ANKFN1: variants seen among roughly 807,000 people sequenced by gnomAD.
ANKFN1 encodes the protein ankyrin repeat and fibronectin type-III domain-containing protein 1.
Under a neutral mutation model 108.7 loss-of-function variants are expected in ANKFN1, and 74 were observed. That is an observed-to-expected ratio of 0.68 (90% CI 0.56 to 0.83). The LOEUF is 0.83. Ranked by LOEUF, ANKFN1 falls within the 40% of genes least tolerant of loss-of-function variation. ANKFN1 has a pLI of 0.00. For synonymous variants in ANKFN1, 547 were observed against 516.2 expected (o/e 1.06, Z -0.81); for missense variants, 1,505 against 1,382.3 (o/e 1.09, Z -1.41).
intron 8 of ANKFN1, among the ~76,000 whole-genome samples, chr17:56,405,386 C>T (rs895695524): frequency 1.3e-5 from 2 of 152,118 alleles, no homozygotes; most frequent in East Asian, 1.9e-4. Context: ...GTTTAATATA[C>T]GCTCTATAGA....
intron 4 of ANKFN1, among the ~76,000 whole-genome samples, chr17:56,348,761 G>C (rs1265483442): frequency 6.6e-6 from 1 of 152,124 alleles, no homozygotes; most frequent in Non-Finnish European, 1.5e-5. Context: ...CCAGATTGTG[G>C]AGAAAACAAA....
At chr17:56,403,720 G>A (rs2047833577) in intron 8 of ANKFN1, among the ~76,000 whole-genome samples, 1 of 151,864 alleles carries the variant, frequency 6.6e-6, no homozygotes, top group South Asian at 2.1e-4. Context: ...TTGATTTTTT[G>A]TTTTTTTCTT....
chr17:56,469,630 T>G (rs891609119), intron 15 of ANKFN1, among the ~76,000 whole-genome samples: 5 of 152,106 alleles, frequency 3.3e-5, no homozygotes, highest in African/African-American at 1.2e-4. Context: ...TTATTTAACT[T>G]CTCATCCCTC....
chr17:56,220,219 G>A (rs1915736440), intron 2 of ANKFN1, among the ~76,000 whole-genome samples: 2 of 152,192 alleles, frequency 1.3e-5, no homozygotes, highest in Non-Finnish European at 2.9e-5. Flanking sequence ...ACAATACCTG[G>A]AAAAAGAGAT....
chr17:56,320,648 G>C (rs1318954028), intron 3 of ANKFN1, among the ~76,000 whole-genome samples: 1 of 152,130 alleles, frequency 6.6e-6, no homozygotes, highest in Non-Finnish European at 1.5e-5. Context: ...GTGGCAGCCA[G>C]GACAAGAAGG....
chr17:56,413,298 G>T (rs547722605), intron 8 of ANKFN1, among the ~76,000 whole-genome samples: 2 of 152,170 alleles, frequency 1.3e-5, no homozygotes, highest in African/African-American at 4.8e-5. Flanking sequence ...TGCTGAAGTC[G>T]TTTATCAGCT....
intron 4 of ANKFN1, among the ~76,000 whole-genome samples, chr17:56,134,707 A>G (rs1907493539): frequency 6.6e-6 from 1 of 152,222 alleles, no homozygotes; most frequent in Admixed American, 6.5e-5. Flanking sequence ...TTGTAGACAG[A>G]AAATCAACTA....
intron 3 of ANKFN1, among the ~76,000 whole-genome samples, chr17:56,279,801 T>A (rs2044024500): frequency 6.6e-6 from 1 of 152,156 alleles, no homozygotes. Context: ...TGAATCTGTT[T>A]GTAAGTTTTG....
At chr17:56,290,597 G>A (rs943880564) in intron 3 of ANKFN1, among the ~76,000 whole-genome samples, 1 of 152,016 alleles carries the variant, frequency 6.6e-6, no homozygotes, top group Non-Finnish European at 1.5e-5. Flanking sequence ...TTCTACTTGG[G>A]GAAACATGCA....
chr17:56,068,100 C>G (rs1325174827), intron 4 of ANKFN1, among the ~76,000 whole-genome samples: 1 of 152,098 alleles, frequency 6.6e-6, no homozygotes, highest in Non-Finnish European at 1.5e-5. Context: ...AGCCTTCATA[C>G]TTCTTTTAAC....
intron 15 of ANKFN1, among the ~76,000 whole-genome samples, chr17:56,467,873 C>T (rs1016171599): frequency 2.0e-5 from 3 of 151,006 alleles, no homozygotes; most frequent in African/African-American, 7.3e-5. Flanking sequence ...AAAGAAAGAA[C>T]TAGAGCTCAA....
chr17:56,246,750 A>G (rs895929925), intron 3 of ANKFN1, among the ~76,000 whole-genome samples: 3 of 152,140 alleles, frequency 2.0e-5, no homozygotes, highest in South Asian at 4.1e-4. Context: ...AAAAAAACGC[A>G]GGCCATTTCC....
intron 14 of ANKFN1, among the ~76,000 whole-genome samples, chr17:56,459,468 C>T (rs115365500): frequency 7.4e-4 from 112 of 152,254 alleles, no homozygotes; most frequent in African/African-American, 2.3e-3. Context: ...GTTCTTGGAG[C>T]GGGCCATGAT....
intron 1 of ANKFN1, among the ~76,000 whole-genome samples, chr17:56,198,827 C>A (rs1382488982): frequency 6.6e-6 from 1 of 152,154 alleles, no homozygotes; most frequent in Non-Finnish European, 1.5e-5. Flanking sequence ...TGTCTTCCTG[C>A]CTATTCCTTC....
chr17:56,429,449 T>C (rs2048681797), intron 8 of ANKFN1, among the ~76,000 whole-genome samples: 1 of 152,222 alleles, frequency 6.6e-6, no homozygotes, highest in Admixed American at 6.5e-5. Context: ...AATCCTTCCA[T>C]TGAGACAATA....
chr17:56,146,942 T>C (rs544617980), intron 4 of ANKFN1, among the ~76,000 whole-genome samples: 1 of 152,180 alleles, frequency 6.6e-6, no homozygotes, highest in African/African-American at 2.4e-5. Context: ...AACTTTTATG[T>C]CTGCTTCCTC....
At chr17:56,125,993 T>G (rs1234973194) in intron 4 of ANKFN1, among the ~76,000 whole-genome samples, 1 of 152,100 alleles carries the variant, frequency 6.6e-6, no homozygotes, top group Non-Finnish European at 1.5e-5. Context: ...CGAGTCAAAT[T>G]TGCACGGGGA....
Position 56,512,048 on chromosome 17 carries a change from A to G in ANKFN1, c.*779A>G, listed in dbSNP as rs2051791504. ...ATGAAAATGATCCATAGATTTTTAC[A>G]GGGGTCAAGGAGATGGCTAAGCAAA... is the stretch of plus-strand genomic sequence containing the variant. On this transcript the variant is annotated 3_prime_UTR_variant, in exon 21 of 21. Coordinates refer to ENST00000682825, the MANE Select transcript of ANKFN1 (RefSeq NM_001370326.1). Among the ~76,000 whole-genome samples the G allele has an allele frequency of 6.6e-6, 1 of 152,228 alleles. No homozygotes were observed. The highest frequency in any genetic ancestry group is 1.5e-5 in the Non-Finnish European group (1 of 68,042).
At chr17:56,154,130 A>G (rs1354694973) in intron 1 of ANKFN1, among the ~76,000 whole-genome samples, 3 of 152,062 alleles carry the variant, frequency 2.0e-5, no homozygotes, top group Non-Finnish European at 2.9e-5. Flanking sequence ...TGTCGGTGGT[A>G]TCGGAATCCC....
Sources: gnomAD v4.1 joint callset for allele counts (sites outside exome capture counted in the v4.1 genomes callset) on GRCh38, gnomAD v4.1.1 for gene constraint, MANE v1.5 for transcripts, NCBI Gene and HGNC (gene_info 2026-07-23, HGNC 2026-07-21) for gene names.